Variants in ELP4 observed in about 807,000 individuals in gnomAD.
ELP4 encodes the protein elongator complex protein 4.
ELP4 carries 51 observed loss-of-function variants against 48.9 expected under a neutral mutation model. The observed-to-expected ratio is 1.04, with a 90% confidence interval of 0.83 to 1.32. ELP4 has a LOEUF of 1.32. Ranked by LOEUF, ELP4 falls within the 40% of genes most tolerant of loss-of-function variation. ELP4 has a pLI of 0.00. For missense variants in ELP4, 519 were observed against 514.6 expected (o/e 1.01, Z -0.08); for synonymous variants, 210 against 189.2 (o/e 1.11, Z -0.90).
At chr11:31,618,414 G>C (rs918503966) in intron 5 of ELP4, among the ~76,000 whole-genome samples, 2 of 152,060 alleles carry the variant, frequency 1.3e-5, no homozygotes, top group Non-Finnish European at 2.9e-5. Flanking sequence ...TTCCAGAGGG[G>C]AGGAACCCTG....
At chr11:31,685,612 A>G (rs1205017020) in intron 9 of ELP4, among the ~76,000 whole-genome samples, 1 of 152,158 alleles carries the variant, frequency 6.6e-6, no homozygotes, top group Admixed American at 6.5e-5. Context: ...AGAGACTTTA[A>G]TGAATTTTAT....
At chr11:31,745,093 T>A (rs1334261697) in intron 9 of ELP4, among the ~76,000 whole-genome samples, 2 of 151,394 alleles carry the variant, frequency 1.3e-5, no homozygotes, top group Non-Finnish European at 2.9e-5. Flanking sequence ...TTATACACCA[T>A]TAACAGACAA....
chr11:31,737,294 A>G (rs1947341538), intron 9 of ELP4, among the ~76,000 whole-genome samples: 1 of 152,086 alleles, frequency 6.6e-6, no homozygotes, highest in South Asian at 2.1e-4. Context: ...CAGGAAGGGG[A>G]ACATCACACA....
At chr11:31,536,778 C>A (rs1203879039) in intron 2 of ELP4, among the ~76,000 whole-genome samples, 2 of 152,068 alleles carry the variant, frequency 1.3e-5, no homozygotes, top group Non-Finnish European at 2.9e-5. Flanking sequence ...ATTCATGTAT[C>A]TTTTTTTGTA....
chr11:31,621,519 A>G (rs1270287082), intron 5 of ELP4, among the ~76,000 whole-genome samples: 1 of 151,912 alleles, frequency 6.6e-6, no homozygotes, highest in East Asian at 1.9e-4. Flanking sequence ...AGAACAGAAA[A>G]TTTAAACAAT....
intron 5 of ELP4, 94 bp from the exon 6 acceptor site, chr11:31,627,016 G>T: frequency 4.4e-6 from 3 of 675,364 alleles, no homozygotes; most frequent in Non-Finnish European, 8.0e-6. Context: ...ATAAATGTAT[G>T]CCTTTTAATT....
intron 5 of ELP4, among the ~76,000 whole-genome samples, chr11:31,625,553 G>A (rs1425544115): frequency 6.6e-6 from 1 of 151,796 alleles, no homozygotes; most frequent in Non-Finnish European, 1.5e-5. Flanking sequence ...GCCCAACACA[G>A]AAAGATGAAT....
At chr11:31,719,825 G>T in intron 9 of ELP4, 1 of 208,114 alleles carries the variant, frequency 4.8e-6, no homozygotes, top group Non-Finnish European at 9.5e-6. Flanking sequence ...AGAGAGACTG[G>T]TGAATGTGGA....
chr11:31,772,177 T>C (rs995393224), intron 9 of ELP4, among the ~76,000 whole-genome samples: 1 of 148,848 alleles, frequency 6.7e-6, no homozygotes, highest in Non-Finnish European at 1.5e-5. Context: ...TGGTGTACAG[T>C]GGCGGAATCT....
intron 2 of ELP4, among the ~76,000 whole-genome samples, chr11:31,532,714 A>G (rs1162307951): frequency 7.2e-6 from 1 of 138,562 alleles, no homozygotes; most frequent in Non-Finnish European, 1.6e-5. Flanking sequence ...TTTTATTTTT[A>G]TTTTTTAATT....
chr11:31,667,343 A>C (rs1000483196), intron 9 of ELP4, among the ~76,000 whole-genome samples: 2 of 152,178 alleles, frequency 1.3e-5, no homozygotes, highest in African/African-American at 2.4e-5. Flanking sequence ...CAGTAGTATA[A>C]TCACTACTGC....
intron 3 of ELP4, among the ~76,000 whole-genome samples, chr11:31,543,630 A>G (rs1956633101): frequency 6.6e-6 from 1 of 152,194 alleles, no homozygotes; most frequent in East Asian, 1.9e-4. Context: ...AACAACATCA[A>G]TGCACATCAT....
At chr11:31,525,325 A>T (rs768270648) in intron 2 of ELP4, among the ~76,000 whole-genome samples, 7 of 152,298 alleles carry the variant, frequency 4.6e-5, no homozygotes, top group Middle Eastern at 6.8e-3. Flanking sequence ...TAGTAGAACC[A>T]CCTGATCTTT....
intron 9 of ELP4, among the ~76,000 whole-genome samples, chr11:31,693,194 A>G (rs530611436): frequency 6.6e-6 from 1 of 152,248 alleles, no homozygotes; most frequent in South Asian, 2.1e-4. Flanking sequence ...GTTCTAGGGT[A>G]CATGTGCATA....
chr11:31,526,620 A>C (rs181643805), intron 2 of ELP4, among the ~76,000 whole-genome samples: 2 of 152,156 alleles, frequency 1.3e-5, no homozygotes, highest in Non-Finnish European at 2.9e-5. Context: ...TTATCAGAGG[A>C]GAATTCACCC....
chr11:31,528,305 T>C (rs1017982052), intron 2 of ELP4, among the ~76,000 whole-genome samples: 4 of 152,184 alleles, frequency 2.6e-5, no homozygotes, highest in Middle Eastern at 3.4e-3. Context: ...TTAAATTATA[T>C]TGGTAAGAAA....
intron 9 of ELP4, among the ~76,000 whole-genome samples, chr11:31,712,504 A>G (rs1224579836): frequency 6.6e-6 from 1 of 152,170 alleles, no homozygotes; most frequent in Non-Finnish European, 1.5e-5. Flanking sequence ...ATATTAATAA[A>G]TCCTAAGAGG....
chr11:31,715,045 C>T (rs1465228677), intron 9 of ELP4: 2 of 367,434 alleles, frequency 5.4e-6, no homozygotes, highest in Middle Eastern at 7.2e-4. Flanking sequence ...CATTTTTACT[C>T]ATCAGTAACC....
At chr11:31,694,001 A>G (rs1034874785) in intron 9 of ELP4, among the ~76,000 whole-genome samples, 1 of 151,928 alleles carries the variant, frequency 6.6e-6, no homozygotes, top group African/African-American at 2.4e-5. Context: ...CCACTTTTTG[A>G]TGGGGTTGTT....
Sources: allele counts gnomAD v4.1 joint callset (sites outside exome capture counted in the v4.1 genomes callset), GRCh38; gene constraint gnomAD v4.1.1; transcripts MANE v1.5; gene names NCBI Gene and HGNC (gene_info 2026-07-23, HGNC 2026-07-21).